ASIC1: variants seen among roughly 807,000 people sequenced by gnomAD.
ASIC1 encodes acid sensing ion channel subunit 1.
Under a neutral mutation model 63.4 loss-of-function variants are expected in ASIC1, and 21 were observed. The observed-to-expected ratio is 0.33, with a 90% CI of 0.23 to 0.48. The LOEUF (loss-of-function observed/expected upper bound fraction) is 0.48, where lower values mean the gene tolerates loss of function less well. Among genes scored for constraint, ASIC1 ranks in the 20% least tolerant of loss-of-function variants. ASIC1 has a pLI of 0.99. For missense variants in ASIC1, 478 were observed against 695.5 expected (o/e 0.69, Z 3.52); for synonymous variants, 258 against 278.2 (o/e 0.93, Z 0.72).
Position 50,077,986 on chromosome 12 carries a change from C to T in ASIC1, c.710-14C>T, listed in dbSNP as rs748483256. On this transcript the variant is annotated splice_polypyrimidine_tract_variant and intron_variant, in intron 4 of 11. Transcript: ENST00000447966. ...CAGGAGCCCTCCCAACCCACACACT[C>T]CTCATTCCCCTAGACGAGACGTCCT... 10 of 1,603,974 alleles carry T rather than the reference C, an allele frequency of 6.2e-6. No individual in the cohort carries two copies. In the African/African-American group the frequency reaches 1.3e-4, roughly 21 times the overall value.
At chr12:50,081,405 C>T (rs369831921) in intron 11 of ASIC1, 41 bp downstream of exon 11, 848 of 1,548,776 alleles carry the variant, frequency 5.5e-4, no homozygotes, top group Non-Finnish European at 7.0e-4. Flanking sequence ...CCGCCTGTGC[C>T]TCCACCGCCC....
intron 1 of ASIC1, 43 bp from the exon 2 acceptor site, chr12:50,058,708 T>C: frequency 6.6e-7 from 1 of 1,526,232 alleles, no homozygotes; most frequent in Non-Finnish European, 8.8e-7. Flanking sequence ...ATGTGTACTT[T>C]CATCCCAGGA....
chr12:50,070,597 G>T (rs1230282363), intron 3 of ASIC1: 1 of 152,216 alleles, frequency 6.6e-6, no homozygotes, highest in African/African-American at 2.4e-5. Context: ...CAAGCTGGAA[G>T]CTCCCGCTGC....
At chr12:50,063,560 C>T (rs746963583) in intron 3 of ASIC1, among the ~76,000 whole-genome samples, 3 of 152,046 alleles carry the variant, frequency 2.0e-5, no homozygotes, top group Non-Finnish European at 4.4e-5. Flanking sequence ...GACAGGAATC[C>T]CTGGGAGGGG....
chr12:50,080,422 C>A, intron 8 of ASIC1, 76 bp from the exon 9 acceptor site: 1 of 1,428,120 alleles, frequency 7.0e-7, no homozygotes, highest in Non-Finnish European at 9.7e-7. Context: ...GAGAGGCTGC[C>A]TTGCCAAGGT....
intron 3 of ASIC1, chr12:50,070,929 T>C (rs1950593156): frequency 6.6e-6 from 1 of 152,602 alleles, no homozygotes; most frequent in African/African-American, 2.4e-5. Context: ...CAATGACTTA[T>C]CTCTGGTTGC....
intron 3 of ASIC1, among the ~76,000 whole-genome samples, chr12:50,070,163 G>C (rs534841418): frequency 7.7e-4 from 117 of 152,238 alleles, no homozygotes; most frequent in African/African-American, 2.7e-3. Flanking sequence ...TTGGACAGAG[G>C]GTTCAGGACT....
intron 3 of ASIC1, chr12:50,070,852 A>C (rs1281546724): frequency 6.6e-6 from 1 of 152,408 alleles, no homozygotes; most frequent in African/African-American, 2.4e-5. Context: ...AGGACAGGAC[A>C]CACAGGTTCA....
At chr12:50,061,148 G>A (rs1380572763) in intron 3 of ASIC1, among the ~76,000 whole-genome samples, 1 of 152,126 alleles carries the variant, frequency 6.6e-6, no homozygotes, top group Non-Finnish European at 1.5e-5. Context: ...TGCCTACTCA[G>A]CTCTTGGATT....
At chr12:50,079,757 G>A (rs1032676085) in intron 7 of ASIC1, 145 bp from the exon 8 acceptor site, 3 of 1,046,660 alleles carry the variant, frequency 2.9e-6, no homozygotes, top group Admixed American at 4.8e-5. Context: ...TGTTGGCAGA[G>A]TTTAGCATCC....
intron 4 of ASIC1, among the ~76,000 whole-genome samples, 184 bp from the exon 5 acceptor site, chr12:50,077,816 G>A (rs934807248): frequency 2.6e-5 from 4 of 152,140 alleles, no homozygotes; most frequent in Non-Finnish European, 4.4e-5. Context: ...AGGGGTCATC[G>A]GAGCAGCTCA....
intron 7 of ASIC1, 101 bp from the exon 8 acceptor site, chr12:50,079,801 A>G: frequency 3.6e-6 from 5 of 1,379,310 alleles, no homozygotes; most frequent in Non-Finnish European, 4.9e-6. Flanking sequence ...GGAAAGAGAA[A>G]GGGGCCCAGA....
intron 3 of ASIC1, among the ~76,000 whole-genome samples, chr12:50,073,036 T>C (rs529790023): frequency 4.6e-5 from 7 of 151,888 alleles, no homozygotes; most frequent in South Asian, 2.1e-4. Context: ...GGACCCAGAA[T>C]TGGGATGGGG....
At position 50,078,064 on chromosome 12, in the gene ASIC1, C is replaced by T. The variant is rs377151596; in HGVS notation, c.774C>T (p.Ile258=). 34 of 1,613,968 alleles carry T rather than the reference C, an allele frequency of 2.1e-5. No homozygotes were observed. The highest frequency in any genetic ancestry group is 2.7e-5 in the Non-Finnish European group (32 of 1,179,974). Residue 258 remains isoleucine, a synonymous_variant, in exon 5 of 12, where the codon ATC becomes ATT. Transcript: ENST00000447966. The surrounding 1 kb of genome is among the most constrained non-coding windows in gnomAD (Gnocchi z 6.0). ...ATAGTCAGGATGAACCTCCTTTCAT[C>T]GACCAGCTGGGCTTTGGCGTGGCCC... The part of the protein sequence containing the change: ...QIHSQDEPPF[I]DQLGFGVAPG...
In ASIC1 at chr12:50,081,174, CCTACGAGGTAAG is replaced by C; in HGVS notation, c.1372_1377+6del. On this transcript the variant is annotated splice_donor_variant and splice_donor_5th_base_variant and coding_sequence_variant and intron_variant, in exon 10 of 12. Coordinates refer to ENST00000447966, the MANE Select transcript of ASIC1 (RefSeq NM_001095.4). LOFTEE classifies it high-confidence loss of function. The stretch of plus-strand genomic sequence containing the variant: ...ACGGTGCTGGAGCTCTTTGACTACG[CCTACGAGGTAAG>C]CGGGGGCGAGGCCCGGCACGGGGCC... 1 of 1,612,000 alleles carries C rather than the reference CCTACGAGGTAAG, an allele frequency of 6.2e-7. No individual in the cohort carries two copies. Among genetic ancestry groups the C allele is most frequent in the Non-Finnish European group, 8.5e-7 (1 of 1,179,204 alleles).
At position 50,078,614 on chromosome 12, in the gene ASIC1, C is replaced by T. The variant is rs906925328; in HGVS notation, c.994+37C>T. 9 of 1,611,272 alleles carry T rather than the reference C, an allele frequency of 5.6e-6. No homozygotes were observed. The African/African-American group carries it at 9.4e-5, about 17-fold the overall frequency. Reference sequence around the variant, plus strand: ...GGCTCCGAGCATACTCCTGGGGTCCCTGGGCCTTTGCTGCCCTTCACTAGC... The same window carrying T: ...GGCTCCGAGCATACTCCTGGGGTCCTTGGGCCTTTGCTGCCCTTCACTAGC... On this transcript the variant is annotated intron_variant, in intron 6 of 11. Transcript: ENST00000447966. This position sits in a 1 kb window ranked among gnomAD's most constrained non-coding sequence, Gnocchi z 6.0.
At chr12:50,080,671 TTC>T (rs779375912) in intron 9 of ASIC1, 82 bp downstream of exon 9, 6 of 1,614,016 alleles carry the variant, frequency 3.7e-6, no homozygotes, top group Admixed American at 1.7e-5. Context: ...GGGTGCTCAC[TTC>T]TGTCCCATGA....
At chr12:50,058,670 T>G (rs1254903930) in intron 1 of ASIC1, 81 bp from the exon 2 acceptor site, 5 of 1,486,796 alleles carry the variant, frequency 3.4e-6, no homozygotes, top group Non-Finnish European at 4.5e-6. Flanking sequence ...AGATGAGGAT[T>G]CTGGATGGGC....
chr12:50,078,997 T>C lies in ASIC1; in HGVS notation c.1051+17T>C. 6.2e-7 allele frequency: 1 copy of C among 1,611,828 alleles called. No homozygotes were observed. Among genetic ancestry groups the C allele is most frequent in the Non-Finnish European group, 8.5e-7 (1 of 1,178,836 alleles). On this transcript the variant is annotated intron_variant, in intron 7 of 11. Coordinates refer to ENST00000447966, the MANE Select transcript of ASIC1 (RefSeq NM_001095.4). The surrounding 1 kb of genome is among the most constrained non-coding windows in gnomAD (Gnocchi z 6.0). ...CTGCTCTGGGTGAGCGCCCCTGGCCTGGGGCAGTCTGGGGGAGGGAAAAGG... is the reference window on the plus strand; with the variant it reads ...CTGCTCTGGGTGAGCGCCCCTGGCCCGGGGCAGTCTGGGGGAGGGAAAAGG...
Sources: gnomAD v4.1 joint callset for allele counts (sites outside exome capture counted in the v4.1 genomes callset) on GRCh38, gnomAD v4.1.1 for gene constraint, Gnocchi (gnomAD v3.1) non-coding constraint, MANE v1.5 for transcripts, NCBI Gene and HGNC (gene_info 2026-07-23, HGNC 2026-07-21) for gene names.